The following MINDY4B variants were observed in gnomAD, a reference collection of about 807,000 sequenced individuals.
The protein encoded by MINDY4B is MINDY family member 4B, also known as inactive ubiquitin carboxyl-terminal hydrolase MINDY-4B.
Under a neutral mutation model 16.7 loss-of-function variants are expected in MINDY4B, and 25 were observed. The ratio of observed to expected loss-of-function variants is 1.49; its 90% confidence interval spans 1.09 to 2.09. MINDY4B has a LOEUF of 2.09. Among genes scored for constraint, MINDY4B ranks in the 30% most tolerant of loss-of-function variants. MINDY4B has a pLI of 0.00. For synonymous variants in MINDY4B, 132 were observed against 61.9 expected (o/e 2.13, Z -5.32); for missense variants, 327 against 168.4 (o/e 1.94, Z -5.21).
intron 5 of MINDY4B, among the ~76,000 whole-genome samples, chr3:150,892,977 G>A (rs1711855274): frequency 6.6e-6 from 1 of 151,848 alleles, no homozygotes; most frequent in Non-Finnish European, 1.5e-5. Context: ...CATTTATGGG[G>A]TTTTTATATC....
rs547184036 is a variant in MINDY4B at position 150,894,391 on chromosome 3, A to G, written c.310-86T>C. 1.5e-4 allele frequency: 92 copies of G among 599,662 alleles called. 2 individuals are homozygous for G. The South Asian group carries it at 1.9e-3, about 12-fold the overall frequency. 37.1% of individuals were successfully genotyped at this position (599,662 alleles called of 1,614,324 possible). A position where few individuals can be genotyped will look rare whatever the true frequency, so the allele number is the denominator to read the frequency against. On this transcript the variant is annotated intron_variant, in intron 3 of 11. Transcript: ENST00000465419. ...TGGTGGCCTCATGGCCACCTCAAGG[A>G]GGTGGGCCTCGTTCCCTTCTACATT...
chr3:150,883,064 G>A lies in MINDY4B; in HGVS notation c.898-6C>T. ...AAAATCATGTTCAGAACTGCCTAGA[G>A]AGCATATTTTACAGATACTTATATT... On this transcript the variant is annotated splice_polypyrimidine_tract_variant and splice_region_variant and intron_variant, in intron 9 of 11. Coordinates refer to ENST00000465419, the MANE Select transcript of MINDY4B (RefSeq NM_001351281.2). The A allele has an allele frequency of 1.4e-6, 1 of 690,702 alleles. No individual in the cohort carries two copies. The highest frequency in any genetic ancestry group is 1.5e-5 in the South Asian group (1 of 65,822). The allele number at this position is 690,702 out of a possible 1,614,324, so 42.8% of individuals were successfully genotyped here.
intron 3 of MINDY4B, among the ~76,000 whole-genome samples, chr3:150,899,647 T>G (rs1049900865): frequency 9.9e-5 from 15 of 152,164 alleles, no homozygotes; most frequent in African/African-American, 3.6e-4. Context: ...GGGGGCACCC[T>G]GCTGATGGAG....
At position 150,871,108 on chromosome 3, in the gene MINDY4B, C is replaced by T; in HGVS notation, c.1320G>A (p.Met440Ile). The change falls in exon 12 of 12, where the codon ATG becomes ATA. Residue 440 changes from methionine (M) to isoleucine (I), a missense_variant. Physicochemically the swap from Met to Ile is conservative, Grantham distance 10. Coordinates refer to ENST00000465419, the MANE Select transcript of MINDY4B (RefSeq NM_001351281.2). ...GPRRRFSPVEMAIRTKWSEAT... is the reference protein window; with the variant it reads ...GPRRRFSPVEIAIRTKWSEAT... Reference sequence around the variant, plus strand: ...CCTCGCTCCACTTGGTTCTGATTGCCATCTCCACTGGTGAAAACCGTCGTC... The same window carrying T: ...CCTCGCTCCACTTGGTTCTGATTGCTATCTCCACTGGTGAAAACCGTCGTC... The T allele has an allele frequency of 1.4e-6, 1 of 702,864 alleles. No individual in the cohort carries two copies. The highest frequency in any genetic ancestry group is 1.7e-5 in the African/African-American group (1 of 57,376). The allele number at this position is 702,864 out of a possible 1,614,324, so 43.5% of individuals were successfully genotyped here.
rs1403050089 is a variant in MINDY4B, at chr3:150,905,089, C to T, written c.114G>A (p.Arg38=). The T allele has an allele frequency of 1.0e-5, 4 of 398,392 alleles. No homozygotes were observed. Among genetic ancestry groups the T allele is most frequent in the Non-Finnish European group, 1.8e-5 (4 of 225,996 alleles). 24.7% of individuals were successfully genotyped at this position (398,392 alleles called of 1,614,324 possible). Residue 38 remains arginine (R), a splice_region_variant and synonymous_variant, in exon 2 of 12, where the codon AGG becomes AGA. Transcript: ENST00000465419. ...GAGGAGTTGAATTATTGGTTCCCAA[C>T]CTTTAAATGAAAGAGAAAACATCAA... ...DKWREIFSYH[R]LGTNNSTPQN...
Position 150,883,741 on chromosome 3 carries a change from G to C in MINDY4B, c.856C>G (p.Gln286Glu). 1.4e-6 allele frequency: 1 copy of C among 702,802 alleles called. No homozygotes were observed. The highest frequency in any genetic ancestry group is 2.6e-6 in the Non-Finnish European group (1 of 384,828). 43.5% of individuals were successfully genotyped at this position (702,802 alleles called of 1,614,324 possible). A position where few individuals can be genotyped will look rare whatever the true frequency, so the allele number is the denominator to read the frequency against. Reference protein sequence around the residue: ...LQMDLDVTTTQLLQPNAGGFL... With the variant: ...LQMDLDVTTTELLQPNAGGFL... ...CCTCCAGCATTTGGTTGTAGCAGCTGAGTGGTGGTGACATCTAGGTCCATT... is the reference window on the plus strand; with the variant it reads ...CCTCCAGCATTTGGTTGTAGCAGCTCAGTGGTGGTGACATCTAGGTCCATT... Residue 286 changes from glutamine (Q) to glutamate (E), a missense_variant, in exon 9 of 12, where the codon CAG becomes GAG. Coordinates refer to ENST00000465419, the MANE Select transcript of MINDY4B (RefSeq NM_001351281.2).
intron 5 of MINDY4B, among the ~76,000 whole-genome samples, chr3:150,892,136 A>T (rs1711831647): frequency 6.6e-6 from 1 of 152,330 alleles, no homozygotes; most frequent in African/African-American, 2.4e-5. Flanking sequence ...CCCAGAAGTC[A>T]CTGGGAGTTA....
At chr3:150,897,151 G>A (rs1711993300) in intron 3 of MINDY4B, among the ~76,000 whole-genome samples, 1 of 152,036 alleles carries the variant, frequency 6.6e-6, no homozygotes, top group South Asian at 2.1e-4. Context: ...ATCCCTAGAA[G>A]CACCCCTTGC....
chr3:150,879,743 G>A lies in MINDY4B; in HGVS notation c.1059+3154C>T, dbSNP rs1044968137. 5.2e-4 allele frequency among the ~76,000 whole-genome samples: 79 copies of A among 152,180 alleles called. 2 individuals carry two copies. Among genetic ancestry groups the A allele is most frequent in the Non-Finnish European group, 7.3e-5 (5 of 68,028 alleles). On this transcript the variant is annotated intron_variant, in intron 10 of 11. Transcript: ENST00000465419. Reference sequence around the variant, plus strand: ...CTGTTTGACTACACATGCTTATAAAGCTAACTCTGTTCTGGGGGATGACCT... The same window carrying A: ...CTGTTTGACTACACATGCTTATAAAACTAACTCTGTTCTGGGGGATGACCT...
intron 10 of MINDY4B, among the ~76,000 whole-genome samples, chr3:150,877,361 G>T (rs1437621963): frequency 6.6e-6 from 1 of 152,128 alleles, no homozygotes; most frequent in African/African-American, 2.4e-5. Context: ...TACCTAGTTG[G>T]CATTTTCACG....
chr3:150,883,600 C>A, intron 9 of MINDY4B, 100 bp downstream of exon 9: 1 of 652,564 alleles, frequency 1.5e-6, no homozygotes, highest in African/African-American at 1.8e-5. Flanking sequence ...GAAAACAATC[C>A]AAAATTCAGA....
intron 6 of MINDY4B, 85 bp from the exon 7 acceptor site, chr3:150,890,470 G>A: frequency 2.0e-6 from 1 of 506,082 alleles, no homozygotes; most frequent in South Asian, 3.1e-5. Flanking sequence ...ATTACCACAA[G>A]TGGGTTTTTT....
At chr3:150,889,999 T>A (rs763457790) in intron 7 of MINDY4B, among the ~76,000 whole-genome samples, 12 of 152,222 alleles carry the variant, frequency 7.9e-5, no homozygotes, top group Non-Finnish European at 1.6e-4. Context: ...TTCACCATTT[T>A]GTTTTTTATT....
intron 7 of MINDY4B, 58 bp from the exon 8 acceptor site, chr3:150,885,496 C>T (rs1711599339): frequency 1.4e-6 from 1 of 694,842 alleles, no homozygotes; most frequent in Non-Finnish European, 2.6e-6. Flanking sequence ...ACACGTGTAT[C>T]TGTGGGTATG....
intron 10 of MINDY4B, among the ~76,000 whole-genome samples, chr3:150,880,377 G>A (rs1261868459): frequency 6.6e-6 from 1 of 152,172 alleles, no homozygotes; most frequent in Non-Finnish European, 1.5e-5. Context: ...CATGTGGCAT[G>A]AAAGTGGATG....
At chr3:150,885,762 T>TGGCTGCCCTC (rs1391481460) in intron 7 of MINDY4B, among the ~76,000 whole-genome samples, 1 of 152,224 alleles carries the variant, frequency 6.6e-6, no homozygotes, top group African/African-American at 2.4e-5. Flanking sequence ...TTGCTGCCCT[T>TGGCTGCCCTC]GGCTGCCCTC....
intron 10 of MINDY4B, among the ~76,000 whole-genome samples, chr3:150,876,037 A>G (rs1388930760): frequency 2.0e-5 from 3 of 152,226 alleles, no homozygotes; most frequent in Admixed American, 6.5e-5. Flanking sequence ...AATATGTTTT[A>G]TTGGTGAGAT....
rs1284683066 is a variant in MINDY4B, at chr3:150,873,253, G to T, written c.1174C>A (p.Arg392Ser). The part of the protein sequence containing the change: ...RQLLSDWKME[R>S]LFDLYFYSGQ... The stretch of plus-strand genomic sequence containing the variant: ...CTGTAAAAGTACAGATCAAAGAGAC[G>T]TTCCATTTTCCAGTCTGATAAGAGC... Residue 392 changes from arginine (R) to serine (S), a missense_variant, in exon 11 of 12, where the codon CGT becomes AGT. Transcript: ENST00000465419. 1.3e-5 allele frequency: 9 copies of T among 703,040 alleles called. No individual in the cohort carries two copies. Among genetic ancestry groups the T allele is most frequent in the Non-Finnish European group, 2.1e-5 (8 of 384,942 alleles). The allele number at this position is 703,040 out of a possible 1,614,324, so 43.6% of individuals were successfully genotyped here.
At chr3:150,890,465 C>T (rs1711769565) in intron 6 of MINDY4B, 80 bp from the exon 7 acceptor site, 1 of 509,326 alleles carries the variant, frequency 2.0e-6, no homozygotes, top group Non-Finnish European at 3.5e-6. Flanking sequence ...CTGTTATTAC[C>T]ACAAGTGGGT....
Sources: gnomAD v4.1 joint callset for allele counts (sites outside exome capture counted in the v4.1 genomes callset) on GRCh38, gnomAD v4.1.1 for gene constraint, MANE v1.5 for transcripts, NCBI Gene and HGNC (gene_info 2026-07-23, HGNC 2026-07-21) for gene names.